Variants in TYR observed in about 807,000 individuals in gnomAD.
TYR encodes LB24-AB.
TYR carries 58 observed loss-of-function variants against 51.5 expected under a neutral mutation model. The ratio of observed to expected loss-of-function variants is 1.13; its 90% CI spans 0.91 to 1.40. The LOEUF is 1.40. TYR is among the 40% of genes most tolerant of loss of function. The pLI is 0.00. For missense variants in TYR, 732 were observed against 647.4 expected (o/e 1.13, Z -1.42); for synonymous variants, 263 against 235.2 (o/e 1.12, Z -1.08).
chr11:89,190,399 G>T (rs1321725621), intron 1 of TYR, among the ~76,000 whole-genome samples: 5 of 152,074 alleles, frequency 3.3e-5, no homozygotes, highest in Non-Finnish European at 1.5e-5. Context: ...GTGTATGCTT[G>T]TGTCTCAGTT....
chr11:89,289,988 T>C lies in TYR; in HGVS notation c.1366+5034T>C, dbSNP rs1944837845. On this transcript the variant is annotated intron_variant, in intron 4 of 4. Transcript: ENST00000263321. The stretch of plus-strand genomic sequence containing the variant: ...TGTACCAAGGGCTATACATACATTG[T>C]CTAGTTTAATCGCTCCAGGCAGACT... Among the ~76,000 whole-genome samples, 4 of 152,064 alleles carry C rather than the reference T, an allele frequency of 2.6e-5. No homozygotes were observed. In the South Asian group the frequency reaches 6.2e-4, roughly 24 times the overall value.
chr11:89,279,991 A>C (rs557079069), intron 3 of TYR, among the ~76,000 whole-genome samples: 1 of 151,670 alleles, frequency 6.6e-6, no homozygotes, highest in Admixed American at 6.6e-5. Context: ...ATATCTGTAC[A>C]GACTCCTCTA....
chr11:89,289,743 ATATAAT>A (rs1263848740), intron 4 of TYR, among the ~76,000 whole-genome samples: 3 of 152,158 alleles, frequency 2.0e-5, no homozygotes, highest in Admixed American at 1.3e-4. Flanking sequence ...ATATAAATAG[ATATAAT>A]TATAATAAAT....
At chr11:89,215,692 AG>A (rs1487335690) in intron 2 of TYR, among the ~76,000 whole-genome samples, 12 of 152,186 alleles carry the variant, frequency 7.9e-5, no homozygotes, top group African/African-American at 2.9e-4. Flanking sequence ...TATATTGCAC[AG>A]TGGTGAAGTC....
At chr11:89,212,230 T>A (rs534297532) in intron 2 of TYR, among the ~76,000 whole-genome samples, 1 of 152,134 alleles carries the variant, frequency 6.6e-6, no homozygotes, top group East Asian at 1.9e-4. Flanking sequence ...ATCAAATATA[T>A]GCAATAAGAA....
intron 3 of TYR, among the ~76,000 whole-genome samples, chr11:89,231,731 C>G (rs377532906): frequency 7.0e-6 from 1 of 142,516 alleles, no homozygotes; most frequent in African/African-American, 2.8e-5. Flanking sequence ...TGCCTGTACT[C>G]ATAGCACTTT....
At chr11:89,227,704 T>C in intron 2 of TYR, 119 bp from the exon 3 acceptor site, 1 of 880,860 alleles carries the variant, frequency 1.1e-6, no homozygotes, top group Non-Finnish European at 1.7e-6. Flanking sequence ...ATGAATTTTA[T>C]TTTTGATTTT....
At position 89,295,370 on chromosome 11, in the gene TYR, G is replaced by A. The variant is rs565131194; in HGVS notation, c.*4G>A. ...CTTGTATCAGAGCCATTTATAAAAG[G>A]CTTAGGCAATAGAGTAGGGCCAAAA... On this transcript the variant is annotated 3_prime_UTR_variant, in exon 5 of 5. Coordinates refer to ENST00000263321, the MANE Select transcript of TYR (RefSeq NM_000372.5). 20 of 1,596,886 alleles carry A rather than the reference G, an allele frequency of 1.3e-5. No individual in the cohort carries two copies. Among genetic ancestry groups the A allele is most frequent in the Non-Finnish European group, 1.6e-5 (19 of 1,167,500 alleles).
At chr11:89,253,233 T>C (rs1018976871) in intron 3 of TYR, among the ~76,000 whole-genome samples, 2 of 151,766 alleles carry the variant, frequency 1.3e-5, no homozygotes, top group African/African-American at 2.4e-5. Flanking sequence ...AAGCATTGCA[T>C]ACAGGTGACA....
chr11:89,206,894 G>T (rs952715892), intron 2 of TYR, among the ~76,000 whole-genome samples: 2 of 151,870 alleles, frequency 1.3e-5, no homozygotes, highest in African/African-American at 4.8e-5. Context: ...TAAAGAGAAA[G>T]ACTTAAGGAA....
At chr11:89,282,557 T>A (rs1278626306) in intron 3 of TYR, among the ~76,000 whole-genome samples, 2 of 151,810 alleles carry the variant, frequency 1.3e-5, no homozygotes, top group African/African-American at 4.8e-5. Flanking sequence ...CTTTGTATTT[T>A]CTCTATTTTA....
intron 3 of TYR, among the ~76,000 whole-genome samples, chr11:89,237,750 G>A (rs1027425590): frequency 6.6e-6 from 1 of 152,038 alleles, no homozygotes; most frequent in African/African-American, 2.4e-5. Flanking sequence ...GGTAGGGATT[G>A]CATTGAAACT....
Position 89,263,399 on chromosome 11 carries a change from CTCACTT to C in TYR, c.1185-21373_1185-21368del, listed in dbSNP as rs1213920851. Among the ~76,000 whole-genome samples the C allele has an allele frequency of 9.2e-5, 14 of 151,858 alleles. No individual in the cohort carries two copies. The East Asian group carries it at 2.7e-3, about 29-fold the overall frequency. On this transcript the variant is annotated intron_variant, in intron 3 of 4. Coordinates refer to ENST00000263321, the MANE Select transcript of TYR (RefSeq NM_000372.5). ...AAAAAGCCACAGCTAACACATCATA[CTCACTT>C]ATTAAAAACTGAAAAAAAAAACTCA... is the stretch of plus-strand genomic sequence containing the variant.
At chr11:89,202,020 G>A (rs117769929) in intron 2 of TYR, among the ~76,000 whole-genome samples, 6,290 of 152,180 alleles carry the variant, frequency 0.041, 202 homozygotes, top group South Asian at 0.055. Context: ...TTTTGGTTCA[G>A]TAGGTCTGGC....
intron 3 of TYR, among the ~76,000 whole-genome samples, chr11:89,260,375 A>G (rs1198003415): frequency 6.6e-6 from 1 of 152,148 alleles, no homozygotes; most frequent in Non-Finnish European, 1.5e-5. Flanking sequence ...CTTACCAGAA[A>G]CTATGAAGGC....
intron 2 of TYR, among the ~76,000 whole-genome samples, chr11:89,192,325 A>T (rs1238526890): frequency 1.3e-5 from 2 of 152,026 alleles, no homozygotes; most frequent in African/African-American, 4.8e-5. Context: ...ACAAAAAAAA[A>T]CTCAATCAAG....
intron 2 of TYR, among the ~76,000 whole-genome samples, chr11:89,211,592 C>T (rs1943756592): frequency 1.3e-5 from 2 of 152,094 alleles, no homozygotes; most frequent in South Asian, 4.2e-4. Context: ...CGGCTCTGGA[C>T]CAAATGGACC....
Position 89,295,036 on chromosome 11 carries a change from C to G in TYR, c.1367-107C>G, listed in dbSNP as rs561489771. ...TACAGTTAATAAGTAGTAGAGCTGG[C>G]CTTCAAACCCAGGTGTCTACTCCAA... is the stretch of plus-strand genomic sequence containing the variant. On this transcript the variant is annotated intron_variant, in intron 4 of 4. Coordinates refer to ENST00000263321, the MANE Select transcript of TYR (RefSeq NM_000372.5). 3,987 of 1,536,264 alleles carry G rather than the reference C, an allele frequency of 2.6e-3. 19 individuals are homozygous for G. The highest frequency in any genetic ancestry group is 2.4e-3 in the Non-Finnish European group (2,765 of 1,132,956).
At chr11:89,288,543 C>T (rs1441420125) in intron 4 of TYR, among the ~76,000 whole-genome samples, 2 of 151,932 alleles carry the variant, frequency 1.3e-5, no homozygotes, top group East Asian at 1.9e-4. Context: ...TATTTATTTC[C>T]AATTAAATTT....
Sources: allele counts gnomAD v4.1 joint callset (sites outside exome capture counted in the v4.1 genomes callset), GRCh38; gene constraint gnomAD v4.1.1; transcripts MANE v1.5; gene names NCBI Gene and HGNC (gene_info 2026-07-23, HGNC 2026-07-21).